STK3: variants seen among roughly 807,000 people sequenced by gnomAD.
The protein encoded by STK3 is serine/threonine-protein kinase 3.
STK3 carries 41 observed loss-of-function variants against 58.0 expected under a neutral mutation model. That is an observed-to-expected ratio of 0.71 (90% confidence interval 0.55 to 0.92). The LOEUF (loss-of-function observed/expected upper bound fraction) is 0.92. Among genes scored for constraint, STK3 ranks in the 40% least tolerant of loss-of-function variants. STK3 has a pLI of 0.00. For synonymous variants in STK3, 170 were observed against 191.0 expected (o/e 0.89, Z 0.91); for missense variants, 479 against 602.7 (o/e 0.79, Z 2.15).
intron 6 of STK3, among the ~76,000 whole-genome samples, chr8:98,615,278 C>A (rs1253388566): frequency 6.8e-6 from 1 of 147,238 alleles, no homozygotes; most frequent in Admixed American, 6.8e-5. Context: ...AACTAACAAA[C>A]AGAAAGGACA....
chr8:98,455,358 T>A lies in STK3; in HGVS notation c.*484A>T, dbSNP rs1381199199. 1 of 152,706 alleles carries A rather than the reference T, an allele frequency of 6.5e-6. No homozygotes were observed. Among genetic ancestry groups the A allele is most frequent in the Non-Finnish European group, 1.5e-5 (1 of 68,496 alleles). 9.5% of individuals were successfully genotyped at this position (152,706 alleles called of 1,614,324 possible). ...ATAAATTGGTTGCACATTATCATCA[T>A]ATTAATATGACCCTACCTTCACCAA... On this transcript the variant is annotated 3_prime_UTR_variant, in exon 11 of 11. Transcript: ENST00000419617.
Position 98,455,827 on chromosome 8 carries a change from G to T in STK3, c.*15C>A, listed in dbSNP as rs762502838. 3.1e-6 allele frequency: 5 copies of T among 1,612,874 alleles called. No homozygotes were observed. In the Admixed American group the frequency reaches 8.4e-5, roughly 27 times the overall value. ...TTGGTCTCCAGAATAGTTAAAAACAGAGAGGAAATTAGACTCAAAAGTTTT... is the reference window on the plus strand; with the variant it reads ...TTGGTCTCCAGAATAGTTAAAAACATAGAGGAAATTAGACTCAAAAGTTTT... On this transcript the variant is annotated 3_prime_UTR_variant, in exon 11 of 11. Coordinates refer to ENST00000419617, the MANE Select transcript of STK3 (RefSeq NM_006281.4).
chr8:98,417,513 C>G (rs1818128615), intron 3 of STK3, among the ~76,000 whole-genome samples: 1 of 82,410 alleles, frequency 1.2e-5, no homozygotes, highest in Admixed American at 1.6e-4. Flanking sequence ...GACTCTGTCT[C>G]AAAAAATAAA....
chr8:98,533,716 C>T (rs1809517194), intron 9 of STK3, among the ~76,000 whole-genome samples: 1 of 152,164 alleles, frequency 6.6e-6, no homozygotes, highest in Non-Finnish European at 1.5e-5. Context: ...TTTCAAACTC[C>T]TGGACTCAAG....
intron 3 of STK3, among the ~76,000 whole-genome samples, chr8:98,756,961 A>T (rs1830322417): frequency 6.6e-6 from 1 of 152,110 alleles, no homozygotes; most frequent in South Asian, 2.1e-4. Flanking sequence ...AAACCTGTTT[A>T]CCCTATCTCA....
intron 3 of STK3, among the ~76,000 whole-genome samples, chr8:98,868,382 C>T (rs1837225809): frequency 6.6e-6 from 1 of 152,150 alleles, no homozygotes; most frequent in African/African-American, 2.4e-5. Context: ...CCCTGGATAG[C>T]AACACTCAGG....
intron 3 of STK3, among the ~76,000 whole-genome samples, chr8:98,759,310 T>C (rs1047310701): frequency 1.3e-5 from 2 of 152,076 alleles, no homozygotes; most frequent in African/African-American, 4.8e-5. Flanking sequence ...AATTTCAATA[T>C]TGTGTCTCAA....
At chr8:98,550,509 T>C (rs1425652359) in intron 8 of STK3, among the ~76,000 whole-genome samples, 1 of 152,186 alleles carries the variant, frequency 6.6e-6, no homozygotes, top group Non-Finnish European at 1.5e-5. Flanking sequence ...AATCTTCACT[T>C]GCTACATAAA....
chr8:98,724,772 A>G (rs545394181), intron 4 of STK3, among the ~76,000 whole-genome samples: 1 of 152,162 alleles, frequency 6.6e-6, no homozygotes, highest in Non-Finnish European at 1.5e-5. Context: ...CCTTAAGCAA[A>G]ATTATTCAGA....
chr8:98,916,218 C>T (rs995436211), intron 1 of STK3, among the ~76,000 whole-genome samples: 2 of 152,122 alleles, frequency 1.3e-5, no homozygotes, highest in Non-Finnish European at 2.9e-5. Context: ...AGTTCGAGAC[C>T]AGCCTAGCCA....
chr8:98,347,216 T>A, the STK3 span, among the ~76,000 whole-genome samples: 2 of 151,780 alleles, frequency 1.3e-5, no homozygotes, highest in African/African-American at 2.4e-5. Context: ...AAATATTTTT[T>A]AAAAAACCAG....
intron 4 of STK3, among the ~76,000 whole-genome samples, chr8:98,728,781 C>T (rs1827967837): frequency 6.6e-6 from 1 of 151,828 alleles, no homozygotes; most frequent in South Asian, 2.1e-4. Context: ...AAATATAAAC[C>T]CCAAAGAGCA....
chr8:98,353,770 G>C, the STK3 span, among the ~76,000 whole-genome samples: 23,413 of 152,090 alleles, frequency 0.15, 2,067 homozygotes, highest in Admixed American at 0.26. Flanking sequence ...AACAAATATA[G>C]GTAGATGTAG....
intron 3 of STK3, among the ~76,000 whole-genome samples, chr8:98,844,510 A>G (rs1301270409): frequency 6.6e-6 from 1 of 152,132 alleles, no homozygotes; most frequent in Non-Finnish European, 1.5e-5. Context: ...CTGTTGCCCA[A>G]GCAGAAGTGC....
chr8:98,676,599 G>A (rs894312756), intron 6 of STK3, among the ~76,000 whole-genome samples: 2 of 149,828 alleles, frequency 1.3e-5, no homozygotes, highest in Non-Finnish European at 1.5e-5. Flanking sequence ...GGGAACAAGA[G>A]TGAAACTCTA....
chr8:98,779,253 T>C (rs1216811552), intron 1 of STK3, among the ~76,000 whole-genome samples: 1 of 152,188 alleles, frequency 6.6e-6, no homozygotes, highest in Non-Finnish European at 1.5e-5. Flanking sequence ...TAAAAGCTGA[T>C]AGAGGTATTC....
chr8:98,777,574 T>C (rs1468715133), intron 1 of STK3, among the ~76,000 whole-genome samples: 1 of 152,104 alleles, frequency 6.6e-6, no homozygotes, highest in Non-Finnish European at 1.5e-5. Context: ...GTAATGACAA[T>C]GAAGATGATG....
In STK3 at chr8:98,680,512, C is replaced by G. The variant is rs535822334; in HGVS notation, c.684+25955G>C. Among the ~76,000 whole-genome samples the G allele has an allele frequency of 3.8e-4, 58 of 152,252 alleles. No homozygotes were observed. The South Asian group carries it at 6.8e-3, about 18-fold the overall frequency. ...CACCCAATGCCAGTCTCTACCACAC[C>G]GCAGCAGCATAACTTACTACAGCTG... On this transcript the variant is annotated intron_variant, in intron 6 of 10. Coordinates refer to ENST00000419617, the MANE Select transcript of STK3 (RefSeq NM_006281.4).
chr8:98,429,722 C>T (rs6999732), intron 3 of STK3: 103 of 330,728 alleles, frequency 3.1e-4, no homozygotes, highest in African/African-American at 1.7e-3. Flanking sequence ...CCATCGTGTA[C>T]GCTATTCTAG....
Sources: allele counts gnomAD v4.1 joint callset (sites outside exome capture counted in the v4.1 genomes callset), GRCh38; gene constraint gnomAD v4.1.1; transcripts MANE v1.5; gene names NCBI Gene and HGNC (gene_info 2026-07-23, HGNC 2026-07-21).